The following SNX4 variants were observed in gnomAD, a reference collection of about 807,000 sequenced individuals.
SNX4 encodes the protein sorting nexin-4.
Under a neutral mutation model 70.8 loss-of-function variants are expected in SNX4, and 49 were observed. The observed-to-expected ratio is 0.69, with a 90% CI of 0.55 to 0.88. SNX4 has a LOEUF of 0.88. SNX4 is among the 40% of genes least tolerant of loss of function. The pLI, the probability that SNX4 is intolerant of heterozygous loss-of-function variation, is 0.00. For missense variants in SNX4, 528 were observed against 544.8 expected (o/e 0.97, Z 0.31); for synonymous variants, 206 against 183.8 (o/e 1.12, Z -0.98).
intron 6 of SNX4, among the ~76,000 whole-genome samples, chr3:125,488,172 TAAAAA>T (rs35693375): frequency 2.1e-5 from 2 of 93,526 alleles, no homozygotes; most frequent in South Asian, 3.6e-4. Flanking sequence ...AATAGTCTAT[TAAAAA>T]AAAAAAAAAA....
In SNX4 at chr3:125,446,867, AC is replaced by A. The variant is rs777521886; in HGVS notation, c.*911del. On this transcript the variant is annotated 3_prime_UTR_variant, in exon 14 of 14. Coordinates refer to ENST00000251775, the MANE Select transcript of SNX4 (RefSeq NM_003794.4). ...ATACTACAAACACACATACAAAAAA[AC>A]AATATAATTTATCTTTACAAAAATT... is the stretch of plus-strand genomic sequence containing the variant. The A allele has an allele frequency of 1.8e-4, 28 of 152,714 alleles. No homozygotes were observed. The highest frequency in any genetic ancestry group is 4.3e-4 in the African/African-American group (18 of 41,544). The allele number at this position is 152,714 out of a possible 1,614,324, so 9.5% of individuals were successfully genotyped here.
chr3:125,457,221 C>T (rs774150484), intron 11 of SNX4, 45 bp downstream of exon 11: 1 of 1,334,438 alleles, frequency 7.5e-7, no homozygotes, highest in South Asian at 1.2e-5. Context: ...GAGGAACATT[C>T]CGTGTTGCTA....
At chr3:125,474,893 G>T (rs1934257039) in intron 8 of SNX4, among the ~76,000 whole-genome samples, 1 of 152,022 alleles carries the variant, frequency 6.6e-6, no homozygotes, top group Admixed American at 6.6e-5. Context: ...AATAAGCATT[G>T]TTCCCAAGCT....
chr3:125,487,604 G>A (rs1441344543), intron 6 of SNX4, among the ~76,000 whole-genome samples: 2 of 151,976 alleles, frequency 1.3e-5, no homozygotes, highest in South Asian at 4.2e-4. Context: ...TTTTTTGAGG[G>A]TGACTTATAA....
chr3:125,514,871 T>C (rs996713635), intron 1 of SNX4, among the ~76,000 whole-genome samples: 1 of 152,086 alleles, frequency 6.6e-6, no homozygotes, highest in African/African-American at 2.4e-5. Flanking sequence ...TTTTGTAGAC[T>C]GGGTCTCCCT....
chr3:125,519,121 G>T (rs140303131), intron 1 of SNX4, among the ~76,000 whole-genome samples: 1,814 of 152,228 alleles, frequency 0.012, 42 homozygotes, highest in African/African-American at 0.041. Flanking sequence ...AGCCTGGGGG[G>T]TCGAGGGTGA....
intron 1 of SNX4, among the ~76,000 whole-genome samples, chr3:125,519,383 A>G (rs1249609256): frequency 6.6e-6 from 1 of 152,168 alleles, no homozygotes; most frequent in Non-Finnish European, 1.5e-5. Context: ...ATAAGTCTCC[A>G]ATGGGAAACA....
At chr3:125,452,224 A>G (rs1933593840) in intron 12 of SNX4, among the ~76,000 whole-genome samples, 1 of 151,520 alleles carries the variant, frequency 6.6e-6, no homozygotes, top group South Asian at 2.1e-4. Context: ...TCTCCAGAGT[A>G]GCTGGGATTA....
intron 6 of SNX4, among the ~76,000 whole-genome samples, chr3:125,488,344 G>C (rs114336745): frequency 4.0e-5 from 6 of 151,778 alleles, no homozygotes; most frequent in Non-Finnish European, 8.8e-5. Flanking sequence ...GCGTTGTAGG[G>C]GGTGCCTATA....
chr3:125,488,601 AAT>A (rs1187957217), intron 6 of SNX4, among the ~76,000 whole-genome samples: 1 of 152,210 alleles, frequency 6.6e-6, no homozygotes, highest in African/African-American at 2.4e-5. Context: ...GCATTTTGTT[AAT>A]ATGTTATGGT....
intron 2 of SNX4, among the ~76,000 whole-genome samples, chr3:125,503,383 C>G (rs1302090025): frequency 1.3e-5 from 2 of 152,160 alleles, no homozygotes; most frequent in Admixed American, 6.5e-5. Context: ...TTTCTTTAGA[C>G]AAAACAACTC....
At chr3:125,461,690 C>G (rs984580643) in intron 9 of SNX4, among the ~76,000 whole-genome samples, 2 of 149,602 alleles carry the variant, frequency 1.3e-5, no homozygotes, top group African/African-American at 4.9e-5. Context: ...GAGACGGAGT[C>G]TCACTTTGTC....
At chr3:125,481,534 C>T (rs988035015) in intron 6 of SNX4, among the ~76,000 whole-genome samples, 1 of 151,802 alleles carries the variant, frequency 6.6e-6, no homozygotes. Context: ...CCACAACCTC[C>T]GCCTCCCGAG....
At chr3:125,499,450 A>G (rs1934877294) in intron 2 of SNX4, among the ~76,000 whole-genome samples, 1 of 152,178 alleles carries the variant, frequency 6.6e-6, no homozygotes, top group South Asian at 2.1e-4. Context: ...TAAGTTTGCT[A>G]CTAAATTTAT....
At chr3:125,457,429 G>A in intron 10 of SNX4, 64 bp from the exon 11 acceptor site, 1 of 1,224,224 alleles carries the variant, frequency 8.2e-7, no homozygotes, top group Non-Finnish European at 1.2e-6. Context: ...TTTTTTTCAA[G>A]GGTAGAGGAG....
chr3:125,481,874 ATACTT>A (rs1013650817), intron 6 of SNX4, among the ~76,000 whole-genome samples: 12 of 151,942 alleles, frequency 7.9e-5, no homozygotes, highest in Non-Finnish European at 1.5e-4. Context: ...TCCTCAGGTT[ATACTT>A]TATTTTTCTT....
Position 125,447,851 on chromosome 3 carries a change from A to C in SNX4, c.1306-25T>G, listed in dbSNP as rs1328051278. 2.6e-6 allele frequency: 4 copies of C among 1,509,642 alleles called. No homozygotes were observed. The Admixed American group carries it at 7.4e-5, about 28-fold the overall frequency. 93.5% of individuals were successfully genotyped at this position (1,509,642 alleles called of 1,614,324 possible). The stretch of plus-strand genomic sequence containing the variant: ...CCTAAAAATAAAAATAAAAACTTTA[A>C]AATGTGAGTTTGGAAGGAATCTGAA... On this transcript the variant is annotated intron_variant, in intron 13 of 13. Transcript: ENST00000251775.
chr3:125,497,797 A>G, intron 4 of SNX4, 37 bp downstream of exon 4: 8 of 1,417,636 alleles, frequency 5.6e-6, no homozygotes, highest in Non-Finnish European at 7.6e-6. Context: ...CCCAAATTAA[A>G]TGAATATTTT....
intron 10 of SNX4, among the ~76,000 whole-genome samples, chr3:125,458,353 A>G (rs1933779097): frequency 6.6e-6 from 1 of 151,718 alleles, no homozygotes. Flanking sequence ...TGCTTTGTAG[A>G]GATGGGGTCT....
Sources: gnomAD v4.1 joint callset for allele counts (sites outside exome capture counted in the v4.1 genomes callset) on GRCh38, gnomAD v4.1.1 for gene constraint, MANE v1.5 for transcripts, NCBI Gene and HGNC (gene_info 2026-07-23, HGNC 2026-07-21) for gene names.